CNTN5: variants seen among roughly 807,000 people sequenced by gnomAD.
CNTN5 encodes the protein contactin 5, also known as contactin-5.
In CNTN5, 77 loss-of-function variants were observed where a neutral mutation model predicts 129.1. The observed-to-expected ratio is 0.60, with a 90% CI of 0.50 to 0.72. The LOEUF is 0.72. CNTN5 is among the 30% of genes least tolerant of loss of function. CNTN5 has a pLI of 0.00. For missense variants in CNTN5, 1,478 were observed against 1,328.8 expected (o/e 1.11, Z -1.75); for synonymous variants, 509 against 465.6 (o/e 1.09, Z -1.20).
In CNTN5 at chr11:100,010,912, C is replaced by A. The variant is rs183827688; in HGVS notation, c.980+8776C>A. On this transcript the variant is annotated intron_variant, in intron 9 of 24. Transcript: ENST00000524871. ...CTCCCTGCTTTTCTTGAGCTCCAGTCTCTTACCTTTCAGTGTGACCACCTA... is the reference window on the plus strand; with the variant it reads ...CTCCCTGCTTTTCTTGAGCTCCAGTATCTTACCTTTCAGTGTGACCACCTA... Among the ~76,000 whole-genome samples the A allele has an allele frequency of 1.8e-4, 27 of 152,216 alleles. No homozygotes were observed. The East Asian group carries it at 5.2e-3, about 29-fold the overall frequency.
intron 8 of CNTN5, among the ~76,000 whole-genome samples, chr11:99,963,686 T>C (rs1400227665): frequency 6.6e-6 from 1 of 152,218 alleles, no homozygotes; most frequent in Admixed American, 6.5e-5. Context: ...TTTTTCCAAT[T>C]CTGTGAAGAA....
intron 3 of CNTN5, among the ~76,000 whole-genome samples, chr11:99,687,050 A>C (rs1953823317): frequency 6.6e-6 from 1 of 152,194 alleles, no homozygotes; most frequent in Non-Finnish European, 1.5e-5. Context: ...TGACACTGTC[A>C]GTCTACGTGA....
At chr11:100,101,685 C>T (rs886103824) in intron 13 of CNTN5, among the ~76,000 whole-genome samples, 1 of 152,024 alleles carries the variant, frequency 6.6e-6, no homozygotes, top group African/African-American at 2.4e-5. Flanking sequence ...GTCACCAGGG[C>T]AGAGTATACT....
chr11:100,020,622 G>A (rs1316210817), intron 9 of CNTN5, among the ~76,000 whole-genome samples: 2 of 151,946 alleles, frequency 1.3e-5, no homozygotes, highest in Non-Finnish European at 2.9e-5. Flanking sequence ...GATCTTTTAT[G>A]GTTTCATATG....
chr11:99,973,859 G>T (rs547985985), intron 8 of CNTN5, among the ~76,000 whole-genome samples: 53 of 152,204 alleles, frequency 3.5e-4, no homozygotes, highest in South Asian at 1.7e-3. Context: ...GAGATATTTT[G>T]CACATTTACC....
chr11:99,217,914 C>A (rs1860209595), intron 1 of CNTN5, among the ~76,000 whole-genome samples: 1 of 152,168 alleles, frequency 6.6e-6, no homozygotes. Context: ...CTGAATCATT[C>A]TCTTTAGCAT....
chr11:99,512,152 C>T (rs902483135), intron 2 of CNTN5, among the ~76,000 whole-genome samples: 4 of 152,112 alleles, frequency 2.6e-5, no homozygotes, highest in South Asian at 2.1e-4. Context: ...CCAACCCTGC[C>T]GCCTCCATTC....
At chr11:100,062,105 T>A (rs1434772337) in intron 10 of CNTN5, among the ~76,000 whole-genome samples, 1 of 152,240 alleles carries the variant, frequency 6.6e-6, no homozygotes, top group East Asian at 1.9e-4. Flanking sequence ...TTTGTACTTT[T>A]CATATTTGAT....
intron 4 of CNTN5, among the ~76,000 whole-genome samples, chr11:99,829,319 C>G (rs1947065374): frequency 6.6e-6 from 1 of 152,152 alleles, no homozygotes; most frequent in Non-Finnish European, 1.5e-5. Flanking sequence ...ACGATGAAAA[C>G]ATGGTTGTGA....
intron 2 of CNTN5, among the ~76,000 whole-genome samples, chr11:99,445,921 T>C (rs1944046502): frequency 6.6e-6 from 1 of 151,856 alleles, no homozygotes; most frequent in African/African-American, 2.4e-5. Context: ...CTGTCTCTAC[T>C]AAAAATACAA....
At chr11:99,864,975 T>C (rs766133401) in intron 6 of CNTN5, among the ~76,000 whole-genome samples, 6 of 152,190 alleles carry the variant, frequency 3.9e-5, no homozygotes, top group African/African-American at 9.6e-5. Context: ...ATAAAATGCA[T>C]TAAATTAATA....
At chr11:99,086,430 G>A (rs1489908827) in intron 1 of CNTN5, among the ~76,000 whole-genome samples, 1 of 152,186 alleles carries the variant, frequency 6.6e-6, no homozygotes, top group Non-Finnish European at 1.5e-5. Context: ...CTCTGGTGAG[G>A]TCTCAGGAAG....
chr11:99,394,901 A>G (rs370643730), intron 2 of CNTN5, among the ~76,000 whole-genome samples: 7 of 151,958 alleles, frequency 4.6e-5, no homozygotes, highest in East Asian at 1.9e-4. Context: ...ATAGTATTCT[A>G]TGGTGTATAT....
At chr11:99,643,707 T>C (rs968574905) in intron 3 of CNTN5, among the ~76,000 whole-genome samples, 1 of 152,180 alleles carries the variant, frequency 6.6e-6, no homozygotes. Context: ...TGGTATACTT[T>C]CTGACTGTGA....
chr11:99,065,851 T>G (rs1225776074), intron 1 of CNTN5, among the ~76,000 whole-genome samples: 1 of 152,210 alleles, frequency 6.6e-6, no homozygotes, highest in Non-Finnish European at 1.5e-5. Flanking sequence ...GGACACATTT[T>G]AAAACATACG....
chr11:99,107,398 G>T (rs1000487597), intron 1 of CNTN5, among the ~76,000 whole-genome samples: 5 of 151,998 alleles, frequency 3.3e-5, no homozygotes, highest in African/African-American at 4.8e-5. Flanking sequence ...ACTGAAAAAT[G>T]TATGGAGTAT....
At chr11:99,582,587 C>T (rs950532540) in intron 3 of CNTN5, among the ~76,000 whole-genome samples, 23 of 152,164 alleles carry the variant, frequency 1.5e-4, no homozygotes, top group Non-Finnish European at 1.2e-4. Flanking sequence ...CGTCTTCCAT[C>T]GCTGATACCC....
In CNTN5 at chr11:99,723,823, G is replaced by T. The variant is rs564285568; in HGVS notation, c.56-95721G>T. ...GTGTTTTGTTTAAATAATGTTATGG[G>T]ATAGATCTTATAATCTTCCTTTTAC... On this transcript the variant is annotated intron_variant, in intron 3 of 24. Transcript: ENST00000524871. Among the ~76,000 whole-genome samples the T allele has an allele frequency of 1.8e-3, 279 of 152,132 alleles. 2 individuals carry two copies. The highest frequency in any genetic ancestry group is 6.2e-3 in the African/African-American group (259 of 41,526).
Position 100,046,344 on chromosome 11 carries a change from C to T in CNTN5, c.981-14868C>T, listed in dbSNP as rs563183584. Among the ~76,000 whole-genome samples the T allele has an allele frequency of 4.6e-5, 7 of 152,276 alleles. No individual in the cohort carries two copies. The East Asian group carries it at 1.4e-3, about 29-fold the overall frequency. ...ATTTTGAAGCTCACTGCATGATATT[C>T]TCCAATCCCATCTGCCTGTATTCTC... is the stretch of plus-strand genomic sequence containing the variant. On this transcript the variant is annotated intron_variant, in intron 9 of 24. Transcript: ENST00000524871.
Sources: gnomAD v4.1 joint callset for allele counts (sites outside exome capture counted in the v4.1 genomes callset) on GRCh38, gnomAD v4.1.1 for gene constraint, MANE v1.5 for transcripts, NCBI Gene and HGNC (gene_info 2026-07-23, HGNC 2026-07-21) for gene names.